Variants in GALNTL6 observed in about 807,000 individuals in gnomAD.
The protein encoded by GALNTL6 is polypeptide N-acetylgalactosaminyltransferase-like 6.
In GALNTL6, 46 loss-of-function variants were observed where a neutral mutation model predicts 73.7. That is an observed-to-expected ratio of 0.62 (90% CI 0.49 to 0.80). The LOEUF (loss-of-function observed/expected upper bound fraction) is 0.80, where lower values mean the gene tolerates loss of function less well. GALNTL6 is among the 30% of genes least tolerant of loss of function. The pLI is 0.00. For missense variants in GALNTL6, 604 were observed against 755.0 expected, an observed-to-expected ratio of 0.80 and a Z score of 2.34; for synonymous variants, 259 against 263.7, an observed-to-expected ratio of 0.98 and a Z score of 0.17.
At chr4:171,815,560 G>T (rs1734504081) in intron 2 of GALNTL6, 1 of 152,124 alleles carries the variant, frequency 6.6e-6, no homozygotes, top group African/African-American at 2.4e-5. Context: ...AAATAAAATA[G>T]CTTCCGTAAT....
At chr4:172,797,397 G>T (rs756025757) in intron 5 of GALNTL6, among the ~76,000 whole-genome samples, 1 of 151,650 alleles carries the variant, frequency 6.6e-6, no homozygotes, top group East Asian at 1.9e-4. Flanking sequence ...GGCGAACGCC[G>T]CTACGCCCGG....
At position 172,809,546 on chromosome 4, in the gene GALNTL6, A is replaced by C. The variant is rs201336562; in HGVS notation, c.739A>C (p.Asn247His). 4.4e-5 allele frequency: 71 copies of C among 1,610,404 alleles called. No individual in the cohort carries two copies. The Admixed American group carries it at 1.2e-3, about 26-fold the overall frequency. ...VNVNWLPPLL[N>H]QIALNHKTIV... is the part of the protein sequence containing the mutation. ...TGTGAACTGGCTGCCCCCACTCCTC[A>C]GTGAGTACAGGTTGCTAAGCACCAT... is the stretch of plus-strand genomic sequence containing the variant. The change falls in exon 6 of 13, where the codon AAC becomes CAC. Residue 247 changes from asparagine (N) to histidine (H), a missense_variant and splice_region_variant. Physicochemically the swap from Asn to His is moderately conservative, Grantham distance 68 (BLOSUM62 1). This residue lies in a region of GALNTL6 where 179 missense variants were observed against 230.8 expected (regional missense o/e 0.78). Coordinates refer to ENST00000506823, the MANE Select transcript of GALNTL6 (RefSeq NM_001034845.3). The surrounding 1 kb of genome is among the most constrained non-coding windows in gnomAD (Gnocchi z 4.4).
At chr4:172,531,779 C>CA (rs1366794080) in intron 5 of GALNTL6, among the ~76,000 whole-genome samples, 1 of 152,156 alleles carries the variant, frequency 6.6e-6, no homozygotes, top group Non-Finnish European at 1.5e-5. Context: ...TGCCTAGGCT[C>CA]AGCAGTAGTT....
intron 2 of GALNTL6, among the ~76,000 whole-genome samples, chr4:172,170,238 A>T (rs547769672): frequency 1.1e-4 from 16 of 152,274 alleles, no homozygotes; most frequent in Middle Eastern, 3.4e-3. Context: ...GAGAGATCAG[A>T]TGGAGGTAAC....
chr4:172,818,197 T>A (rs1469560926), intron 7 of GALNTL6, among the ~76,000 whole-genome samples: 2 of 152,230 alleles, frequency 1.3e-5, no homozygotes, highest in African/African-American at 4.8e-5. Context: ...GTATATCAGG[T>A]ACCCAGGCCC....
intron 2 of GALNTL6, among the ~76,000 whole-genome samples, chr4:171,947,102 A>G (rs368034303): frequency 2.6e-5 from 4 of 152,090 alleles, no homozygotes; most frequent in African/African-American, 9.7e-5. Flanking sequence ...ACTTTCTTAC[A>G]TATAAGTACA....
At chr4:172,361,992 G>A (rs995335185) in intron 5 of GALNTL6, among the ~76,000 whole-genome samples, 3 of 152,032 alleles carry the variant, frequency 2.0e-5, no homozygotes, top group East Asian at 1.9e-4. Flanking sequence ...TTATTATTCC[G>A]GCTATAAAAT....
At chr4:172,568,538 C>T (rs1736642947) in intron 5 of GALNTL6, among the ~76,000 whole-genome samples, 1 of 151,752 alleles carries the variant, frequency 6.6e-6, no homozygotes, top group Non-Finnish European at 1.5e-5. Context: ...GGGCGGATCA[C>T]GAGGTCAGGA....
At chr4:172,844,852 A>G (rs1332342133) in intron 7 of GALNTL6, among the ~76,000 whole-genome samples, 1 of 152,194 alleles carries the variant, frequency 6.6e-6, no homozygotes, top group Non-Finnish European at 1.5e-5. Flanking sequence ...CAAGTTTTGC[A>G]TAGAAGCAAA....
intron 8 of GALNTL6, among the ~76,000 whole-genome samples, chr4:172,892,824 G>A (rs946354730): frequency 2.0e-5 from 3 of 152,062 alleles, no homozygotes; most frequent in Admixed American, 6.6e-5. Flanking sequence ...CAAGCGAAAC[G>A]CTGGCAAACT....
intron 5 of GALNTL6, among the ~76,000 whole-genome samples, chr4:172,710,103 ACT>A (rs1734610205): frequency 6.6e-6 from 1 of 152,212 alleles, no homozygotes; most frequent in Admixed American, 6.5e-5. Flanking sequence ...ATACATTAAA[ACT>A]CATACATTTG....
At chr4:172,144,378 C>T (rs1047437535) in intron 2 of GALNTL6, among the ~76,000 whole-genome samples, 1 of 152,142 alleles carries the variant, frequency 6.6e-6, no homozygotes, top group Non-Finnish European at 1.5e-5. Context: ...AGTTTCATTT[C>T]TACTACTATG....
At chr4:172,325,527 G>T (rs916393850) in intron 4 of GALNTL6, among the ~76,000 whole-genome samples, 1 of 151,932 alleles carries the variant, frequency 6.6e-6, no homozygotes, top group Non-Finnish European at 1.5e-5. Flanking sequence ...AAATGAGGCT[G>T]TGAGCCTGAG....
At chr4:172,680,215 A>G (rs1204086238) in intron 5 of GALNTL6, among the ~76,000 whole-genome samples, 1 of 152,148 alleles carries the variant, frequency 6.6e-6, no homozygotes, top group Non-Finnish European at 1.5e-5. Context: ...TAGTGTTATT[A>G]TTTACATTGT....
At chr4:172,796,290 T>C (rs983945060) in intron 5 of GALNTL6, among the ~76,000 whole-genome samples, 1 of 152,234 alleles carries the variant, frequency 6.6e-6, no homozygotes, top group Non-Finnish European at 1.5e-5. Flanking sequence ...CTGGCGTTTA[T>C]TGAGTACTTA....
intron 2 of GALNTL6, among the ~76,000 whole-genome samples, chr4:171,847,633 A>G (rs1362192168): frequency 6.6e-6 from 1 of 152,196 alleles, no homozygotes; most frequent in East Asian, 1.9e-4. Flanking sequence ...AAGTTTATGT[A>G]ATAATCTAAA....
chr4:172,487,506 C>G (rs1579120169), intron 5 of GALNTL6, among the ~76,000 whole-genome samples: 1 of 151,948 alleles, frequency 6.6e-6, no homozygotes, highest in East Asian at 1.9e-4. Context: ...CTTGCCTTAG[C>G]CTCTCGAGTA....
At chr4:172,207,872 T>C (rs945290438) in intron 2 of GALNTL6, among the ~76,000 whole-genome samples, 2 of 152,232 alleles carry the variant, frequency 1.3e-5, no homozygotes, top group Non-Finnish European at 2.9e-5. Flanking sequence ...ATTCCTAAAC[T>C]ACAGCGTATT....
chr4:172,441,655 G>T lies in GALNTL6; in HGVS notation c.553+92966G>T, dbSNP rs542649685. Among the ~76,000 whole-genome samples the T allele has an allele frequency of 6.6e-5, 10 of 152,250 alleles. No individual in the cohort carries two copies. The South Asian group carries it at 2.1e-3, about 32-fold the overall frequency. On this transcript the variant is annotated intron_variant, in intron 5 of 12. Transcript: ENST00000506823. ...TCCTAAGCACAAAGAAGGCTGTGCT[G>T]GGCTTAATGAGAGAAAAATCCGTGT...
Sources: allele counts gnomAD v4.1 joint callset (sites outside exome capture counted in the v4.1 genomes callset), GRCh38; gene constraint gnomAD v4.1.1; regional missense constraint gnomAD v4.1.1; non-coding constraint Gnocchi (gnomAD v3.1); transcripts MANE v1.5; gene names NCBI Gene and HGNC (gene_info 2026-07-23, HGNC 2026-07-21).